Variants in TAFA1 observed in about 807,000 individuals in gnomAD.
TAFA1 encodes chemokine-like protein TAFA-1.
In TAFA1, 4 loss-of-function variants were observed where a neutral mutation model predicts 18.5. That is an observed-to-expected ratio of 0.22 (90% CI 0.11 to 0.49). The LOEUF is 0.49. TAFA1 is among the 20% of genes least tolerant of loss of function. TAFA1 has a pLI of 0.98. For synonymous variants in TAFA1, 56 were observed against 55.2 expected (o/e 1.01, Z -0.06); for missense variants, 147 against 169.0 (o/e 0.87, Z 0.72).
chr3:68,132,339 T>C (rs148954691), intron 2 of TAFA1, among the ~76,000 whole-genome samples: 12,161 of 152,288 alleles, frequency 0.08, 563 homozygotes, highest in Middle Eastern at 0.12. Flanking sequence ...GCAATAAACA[T>C]ATGTGTGCAT....
intron 2 of TAFA1, among the ~76,000 whole-genome samples, chr3:68,079,938 G>T (rs1005971535): frequency 5.9e-5 from 9 of 151,970 alleles, no homozygotes; most frequent in Admixed American, 3.3e-4. Flanking sequence ...TTATTAATGT[G>T]TGGGAGTCTA....
intron 2 of TAFA1, among the ~76,000 whole-genome samples, chr3:68,014,729 A>C (rs1704536599): frequency 6.6e-6 from 1 of 152,254 alleles, no homozygotes; most frequent in South Asian, 2.1e-4. Flanking sequence ...ATTCTGCTAA[A>C]ACTATTTGAA....
intron 2 of TAFA1, among the ~76,000 whole-genome samples, chr3:68,254,381 T>A (rs1052274148): frequency 2.6e-5 from 4 of 152,062 alleles, no homozygotes; most frequent in Non-Finnish European, 4.4e-5. Flanking sequence ...GTATAGTAAT[T>A]AGATGTGCTT....
At chr3:68,441,688 G>T (rs1027907416) in intron 3 of TAFA1, among the ~76,000 whole-genome samples, 4 of 152,096 alleles carry the variant, frequency 2.6e-5, no homozygotes, top group African/African-American at 9.7e-5. Context: ...AATGCCCATG[G>T]TCTCCACCTC....
intron 2 of TAFA1, among the ~76,000 whole-genome samples, chr3:68,342,021 A>T (rs2069094513): frequency 6.6e-6 from 1 of 152,210 alleles, no homozygotes; most frequent in African/African-American, 2.4e-5. Flanking sequence ...AAGAAACTGC[A>T]TCATCAAATG....
rs544360369 is a variant in TAFA1, at chr3:68,343,629, C to G, written c.119-73651C>G. Reference sequence around the variant, plus strand: ...GGGAAAATACAGTGATACTTGAGATCTGTTGGGCAGCTACTAGTTCAAGGC... The same window carrying G: ...GGGAAAATACAGTGATACTTGAGATGTGTTGGGCAGCTACTAGTTCAAGGC... On this transcript the variant is annotated intron_variant, in intron 2 of 4. Transcript: ENST00000478136. Among the ~76,000 whole-genome samples the G allele has an allele frequency of 5.1e-4, 77 of 152,264 alleles. 1 individual carries two copies. Among genetic ancestry groups the G allele is most frequent in the Middle Eastern group, 6.8e-3 (2 of 294 alleles).
intron 2 of TAFA1, among the ~76,000 whole-genome samples, chr3:68,414,644 G>A (rs571901701): frequency 7.2e-5 from 11 of 152,118 alleles, no homozygotes; most frequent in Non-Finnish European, 1.3e-4. Context: ...TCCAGAAATG[G>A]CATTGAGCTC....
In TAFA1 at chr3:68,479,241, A is replaced by AAAAAAAAATATAT. The variant is rs1353493315; in HGVS notation, c.260-59514_260-59513insAAAAAAATATATA. ...TGAGACTCCATCTCAAAAAAAAAAA[A>AAAAAAAAATATAT]ATATATATATATATATATATATGTC... is the stretch of plus-strand genomic sequence containing the variant. On this transcript the variant is annotated intron_variant, in intron 3 of 4. Coordinates refer to ENST00000478136, the MANE Select transcript of TAFA1 (RefSeq NM_213609.4). 1.7e-3 allele frequency among the ~76,000 whole-genome samples: 213 copies of AAAAAAAAATATAT among 123,634 alleles called. 4 individuals carry two copies. The highest frequency in any genetic ancestry group is 7.3e-3 in the African/African-American group (202 of 27,730). 81.1% of individuals were successfully genotyped at this position (123,634 alleles called of 152,430 possible). A position where few individuals can be genotyped will look rare whatever the true frequency, so the allele number is the denominator to read the frequency against.
At chr3:68,517,056 G>A (rs926248141) in intron 3 of TAFA1, among the ~76,000 whole-genome samples, 2 of 152,114 alleles carry the variant, frequency 1.3e-5, no homozygotes, top group Non-Finnish European at 2.9e-5. Context: ...TTACAGACGT[G>A]AGCCACCGCG....
chr3:68,192,814 G>T (rs1006018521), intron 2 of TAFA1, among the ~76,000 whole-genome samples: 2 of 151,908 alleles, frequency 1.3e-5, no homozygotes, highest in South Asian at 2.1e-4. Context: ...AGTAAAAGAA[G>T]TAGGCTTGGA....
At chr3:68,273,022 T>TG (rs548668034) in intron 2 of TAFA1, among the ~76,000 whole-genome samples, 8 of 151,762 alleles carry the variant, frequency 5.3e-5, no homozygotes, top group South Asian at 2.1e-4. Flanking sequence ...TTGGTGGTGG[T>TG]GGGGGGGAAT....
chr3:68,228,067 G>A (rs1462758949), intron 2 of TAFA1, among the ~76,000 whole-genome samples: 2 of 152,160 alleles, frequency 1.3e-5, no homozygotes, highest in African/African-American at 4.8e-5. Context: ...AACACAGGCT[G>A]TTTCGGCAGA....
At chr3:68,485,338 C>T (rs2072316344) in intron 3 of TAFA1, among the ~76,000 whole-genome samples, 2 of 152,192 alleles carry the variant, frequency 1.3e-5, no homozygotes, top group African/African-American at 4.8e-5. Flanking sequence ...TACCCCAACC[C>T]ACACTACATG....
intron 2 of TAFA1, among the ~76,000 whole-genome samples, chr3:68,243,397 G>A (rs542239552): frequency 1.3e-5 from 2 of 151,976 alleles, no homozygotes; most frequent in South Asian, 4.2e-4. Context: ...CCATCCTCCA[G>A]AATTACGATA....
intron 2 of TAFA1, among the ~76,000 whole-genome samples, chr3:68,284,536 G>A (rs76163100): frequency 2.0e-4 from 31 of 152,198 alleles, no homozygotes; most frequent in African/African-American, 7.0e-4. Flanking sequence ...AGCTTTCTTC[G>A]CAGTAGCCAA....
At chr3:68,017,430 C>A (rs1575575597) in intron 2 of TAFA1, among the ~76,000 whole-genome samples, 1 of 152,320 alleles carries the variant, frequency 6.6e-6, no homozygotes, top group Admixed American at 6.5e-5. Context: ...TCAGTCACAG[C>A]AGTTGCTCAC....
rs575506713 is a variant in TAFA1, at chr3:68,292,686, C to A, written c.119-124594C>A. On this transcript the variant is annotated intron_variant, in intron 2 of 4. Transcript: ENST00000478136. Reference sequence around the variant, plus strand: ...GGACTTCAGGTGCTATGCCACCACACCTGGCTAATTGTTTTGTTTTGTTTT... The same window carrying A: ...GGACTTCAGGTGCTATGCCACCACAACTGGCTAATTGTTTTGTTTTGTTTT... Among the ~76,000 whole-genome samples, 3 of 152,208 alleles carry A rather than the reference C, an allele frequency of 2.0e-5. 1 individual carries two copies. In the East Asian group the frequency reaches 5.8e-4, roughly 29 times the overall value.
At chr3:68,299,087 C>T (rs1283453720) in intron 2 of TAFA1, among the ~76,000 whole-genome samples, 1 of 152,130 alleles carries the variant, frequency 6.6e-6, no homozygotes, top group African/African-American at 2.4e-5. Context: ...GCAATGAAGT[C>T]CAGGCTGAGG....
At chr3:68,321,965 C>T (rs985621597) in intron 2 of TAFA1, among the ~76,000 whole-genome samples, 14 of 152,166 alleles carry the variant, frequency 9.2e-5, no homozygotes, top group South Asian at 6.2e-4. Flanking sequence ...TGCATTTCAG[C>T]GCTATCCATT....
Sources: allele counts gnomAD v4.1 joint callset (sites outside exome capture counted in the v4.1 genomes callset), GRCh38; gene constraint gnomAD v4.1.1; transcripts MANE v1.5; gene names NCBI Gene and HGNC (gene_info 2026-07-23, HGNC 2026-07-21).